The following FSTL4 variants were observed in gnomAD, a reference collection of about 807,000 sequenced individuals.
FSTL4 encodes follistatin like 4.
In FSTL4, 28 loss-of-function variants were observed where a neutral mutation model predicts 78.2. The ratio of observed to expected loss-of-function variants is 0.36; its 90% CI spans 0.27 to 0.49. The LOEUF (loss-of-function observed/expected upper bound fraction) is 0.49, where lower values mean the gene tolerates loss of function less well. Ranked by LOEUF, FSTL4 falls within the 20% of genes least tolerant of loss-of-function variation. The probability of loss-of-function intolerance (pLI) is 0.98; values close to 1 mark genes in which losing one functional copy is unlikely to be tolerated. For missense variants in FSTL4, 922 were observed against 1,084.9 expected (o/e 0.85, Z 2.11); for synonymous variants, 422 against 440.5 (o/e 0.96, Z 0.53).
chr5:133,615,155 T>C (rs1420213758), upstream of FSTL4, among the ~76,000 whole-genome samples: 1 of 152,188 alleles, frequency 6.6e-6, no homozygotes, highest in African/African-American at 2.4e-5. Context: ...CATCACTAAC[T>C]GTGGGTCAGC....
At chr5:133,684,514 C>A in the FSTL4 span, among the ~76,000 whole-genome samples, 2 of 152,314 alleles carry the variant, frequency 1.3e-5, no homozygotes, top group Non-Finnish European at 2.9e-5. Context: ...CTTCTGCAAC[C>A]AAGACTTCAC....
At chr5:133,441,896 G>T (rs1297287762) in intron 3 of FSTL4, among the ~76,000 whole-genome samples, 2 of 152,210 alleles carry the variant, frequency 1.3e-5, no homozygotes, top group Non-Finnish European at 2.9e-5. Flanking sequence ...GATGTTCACT[G>T]GTGGAGCTCT....
intron 3 of FSTL4, among the ~76,000 whole-genome samples, chr5:133,459,002 T>C (rs946922395): frequency 8.5e-5 from 13 of 152,054 alleles, no homozygotes; most frequent in African/African-American, 3.1e-4. Flanking sequence ...AGGCTGGTGC[T>C]GATGGATGGC....
At chr5:133,534,606 T>G (rs1205811043) in intron 3 of FSTL4, among the ~76,000 whole-genome samples, 1 of 152,202 alleles carries the variant, frequency 6.6e-6, no homozygotes, top group Admixed American at 6.5e-5. Context: ...ATAATGTGGT[T>G]GAAGGAACAT....
the FSTL4 span, among the ~76,000 whole-genome samples, chr5:133,745,667 C>T: frequency 2.4e-4 from 36 of 152,332 alleles, no homozygotes; most frequent in South Asian, 5.0e-3. Context: ...TTCATAAAAA[C>T]TTTGCCCAGG....
chr5:133,755,315 A>G, the FSTL4 span, among the ~76,000 whole-genome samples: 1 of 152,080 alleles, frequency 6.6e-6, no homozygotes, highest in African/African-American at 2.4e-5. Flanking sequence ...TGGAAATATC[A>G]TTTTTATTCT....
chr5:133,714,750 T>C, the FSTL4 span, among the ~76,000 whole-genome samples: 4 of 152,214 alleles, frequency 2.6e-5, no homozygotes, highest in Admixed American at 6.5e-5. Flanking sequence ...AATTAAGTCA[T>C]GCCTGTCTCC....
chr5:133,729,340 T>C, the FSTL4 span, among the ~76,000 whole-genome samples: 6 of 152,138 alleles, frequency 3.9e-5, no homozygotes, highest in African/African-American at 1.2e-4. Flanking sequence ...GCTTGACCAA[T>C]GCATGACCTT....
chr5:133,294,171 C>A, intron 6 of FSTL4, among the ~76,000 whole-genome samples: 1 of 152,150 alleles, frequency 6.6e-6, no homozygotes, highest in South Asian at 2.1e-4. Flanking sequence ...CGTCCCACAG[C>A]CTTTTGCCTT....
At chr5:133,672,304 C>T in the FSTL4 span, among the ~76,000 whole-genome samples, 1 of 152,248 alleles carries the variant, frequency 6.6e-6, no homozygotes, top group African/African-American at 2.4e-5. Context: ...ATGGCTCCTA[C>T]AGCCCAGGTC....
the FSTL4 span, among the ~76,000 whole-genome samples, chr5:133,779,013 G>C: frequency 6.6e-6 from 1 of 152,202 alleles, no homozygotes; most frequent in Non-Finnish European, 1.5e-5. Context: ...GGTGGGGCAG[G>C]GGGAGGACCC....
chr5:133,197,001 G>T lies in FSTL4; in HGVS notation c.*2094C>A, dbSNP rs902560358. The T allele has an allele frequency of 6.6e-6, 1 of 152,168 alleles. No homozygotes were observed. Among genetic ancestry groups the T allele is most frequent in the African/African-American group, 2.4e-5 (1 of 41,424 alleles). The allele number at this position is 152,168 out of a possible 1,614,324, so 9.4% of individuals were successfully genotyped here. ...ACATTCCAAGATGGAAGGGACAGTG[G>T]GGGAGAAGCAGGTGCTGCAGAAGTT... On this transcript the variant is annotated 3_prime_UTR_variant, in exon 16 of 16. Transcript: ENST00000265342.
At chr5:133,822,644 G>A in the FSTL4 span, among the ~76,000 whole-genome samples, 6 of 152,146 alleles carry the variant, frequency 3.9e-5, no homozygotes, top group East Asian at 1.9e-4. Flanking sequence ...TTCCGGGGGC[G>A]TCATGGAAAG....
chr5:133,666,747 TTC>T, the FSTL4 span, among the ~76,000 whole-genome samples: 4 of 152,248 alleles, frequency 2.6e-5, no homozygotes, highest in Non-Finnish European at 5.9e-5. Context: ...TAAAACTTTT[TTC>T]TCTCTTATTC....
rs1039924875 is a variant in FSTL4 at position 133,224,352 on chromosome 5, C to A, written c.1313-136G>T. On this transcript the variant is annotated intron_variant, in intron 10 of 15. Coordinates refer to ENST00000265342, the MANE Select transcript of FSTL4 (RefSeq NM_015082.2). The stretch of plus-strand genomic sequence containing the variant: ...TAGTCCATCACTTACAGAATCTATA[C>A]CACTCATTGCCCTAGGAACAGTATC... 8 of 642,938 alleles carry A rather than the reference C, an allele frequency of 1.2e-5. No individual in the cohort carries two copies. In the Admixed American group the frequency reaches 1.8e-4, roughly 14 times the overall value. The allele number at this position is 642,938 out of a possible 1,614,324, so 39.8% of individuals were successfully genotyped here. A position where few individuals can be genotyped will look rare whatever the true frequency, so the allele number is the denominator to read the frequency against.
chr5:133,809,607 T>TG, the FSTL4 span, among the ~76,000 whole-genome samples: 1 of 127,742 alleles, frequency 7.8e-6, no homozygotes, highest in East Asian at 2.3e-4. Flanking sequence ...GCACCAAAAA[T>TG]GGAAAAAAAA....
At chr5:133,635,365 G>GTAGGTCT in the FSTL4 span, among the ~76,000 whole-genome samples, 1 of 152,238 alleles carries the variant, frequency 6.6e-6, no homozygotes, top group Non-Finnish European at 1.5e-5. Context: ...TTGATGTGAA[G>GTAGGTCT]TAATCCAATT....
At chr5:133,467,026 GTGTA>G (rs1398579903) in intron 3 of FSTL4, among the ~76,000 whole-genome samples, 10 of 151,964 alleles carry the variant, frequency 6.6e-5, no homozygotes, top group African/African-American at 2.4e-4. Flanking sequence ...GCATGTGTGA[GTGTA>G]TGTGAGAGTA....
the FSTL4 span, among the ~76,000 whole-genome samples, chr5:133,808,684 A>G: frequency 2.0e-5 from 3 of 152,112 alleles, no homozygotes; most frequent in African/African-American, 4.8e-5. Flanking sequence ...ATTTTCCCTC[A>G]CATCTCCCCC....
Sources: allele counts gnomAD v4.1 joint callset (sites outside exome capture counted in the v4.1 genomes callset), GRCh38; gene constraint gnomAD v4.1.1; transcripts MANE v1.5; gene names NCBI Gene and HGNC (gene_info 2026-07-23, HGNC 2026-07-21).